MARVELD2: variants seen among roughly 807,000 people sequenced by gnomAD.
The protein encoded by MARVELD2 is MARVEL domain-containing protein 2.
MARVELD2 carries 49 observed loss-of-function variants against 57.6 expected under a neutral mutation model. That is an observed-to-expected ratio of 0.85 (90% CI 0.68 to 1.08). The LOEUF (loss-of-function observed/expected upper bound fraction) is 1.08, where lower values mean the gene tolerates loss of function less well. MARVELD2 is among the 50% of genes least tolerant of loss of function. MARVELD2 has a pLI of 0.00. For synonymous variants in MARVELD2, 238 were observed against 258.8 expected (o/e 0.92, Z 0.77); for missense variants, 606 against 701.1 (o/e 0.86, Z 1.53).
chr5:69,420,783 T>C (rs1325711773), intron 2 of MARVELD2, among the ~76,000 whole-genome samples: 1 of 152,104 alleles, frequency 6.6e-6, no homozygotes, highest in Non-Finnish European at 1.5e-5. Context: ...ATGTGTAATA[T>C]ATAGTTTGTT....
chr5:69,441,407 C>A, intron 6 of MARVELD2, 125 bp from the exon 7 acceptor site: 1 of 1,111,788 alleles, frequency 9.0e-7, no homozygotes. Flanking sequence ...AACTGTTACC[C>A]TGAGTTCAGA....
chr5:69,420,260 C>G lies in MARVELD2; in HGVS notation c.875C>G (p.Thr292Ser). The change falls in exon 2 of 7, where the codon ACT becomes AGT. Residue 292 changes from threonine (T) to serine (S), a missense_variant. By Grantham distance (58) the Thr-to-Ser change is moderately conservative. Coordinates refer to ENST00000325631, the MANE Select transcript of MARVELD2 (RefSeq NM_001038603.3). Reference protein sequence around the residue: ...ILLDSNWWPLTEFGINVALFI... With the variant: ...ILLDSNWWPLSEFGINVALFI... ...CTGGACTCTAATTGGTGGCCCCTAA[C>G]TGAATTTGGAATTAACGTTGCCTTG... 1 of 1,614,190 alleles carries G rather than the reference C, an allele frequency of 6.2e-7. No homozygotes were observed. The highest frequency in any genetic ancestry group is 8.5e-7 in the Non-Finnish European group (1 of 1,180,040).
chr5:69,422,875 C>T, intron 2 of MARVELD2, among the ~76,000 whole-genome samples: 1 of 152,126 alleles, frequency 6.6e-6, no homozygotes, highest in Non-Finnish European at 1.5e-5. Context: ...CTGGCCGACA[C>T]TTAGGGAATA....
intron 3 of MARVELD2, among the ~76,000 whole-genome samples, chr5:69,431,830 C>CTTTTTTTTTTTTTTTTTTTT (rs904263527): frequency 4.1e-5 from 4 of 97,850 alleles, no homozygotes; most frequent in East Asian, 3.3e-4. Context: ...TCTTCTTCTT[C>CTTTTTTTTTTTTTTTTTTTT]TTTTTTTTTT....
intron 4 of MARVELD2, 48 bp from the exon 5 acceptor site, chr5:69,432,874 C>T (rs955901057): frequency 9.9e-6 from 16 of 1,609,442 alleles, no homozygotes; most frequent in Non-Finnish European, 1.3e-5. Flanking sequence ...TCCCATTCAG[C>T]TTCTTTTAGT....
rs1419765578 is a variant in MARVELD2 at position 69,444,119 on chromosome 5, T to C, written c.*2465T>C. 6.6e-6 allele frequency: 1 copy of C among 151,548 alleles called. No individual in the cohort carries two copies. The highest frequency in any genetic ancestry group is 6.6e-5 in the Admixed American group (1 of 15,120). The allele number at this position is 151,548 out of a possible 1,614,324, so 9.4% of individuals were successfully genotyped here. ...TGTGAAACTTTTAAAATAAAGTTTA[T>C]AAATGTAGCTAATCTTTGAAAAACC... On this transcript the variant is annotated 3_prime_UTR_variant, in exon 7 of 7. Coordinates refer to ENST00000325631, the MANE Select transcript of MARVELD2 (RefSeq NM_001038603.3).
Position 69,420,435 on chromosome 5 carries a change from C to T in MARVELD2, c.1050C>T (p.Val350=). Residue 350 remains valine (V), a synonymous_variant, in exon 2 of 7, where the codon GTC becomes GTT. Transcript: ENST00000325631. The part of the protein sequence containing the change: ...GQIAAMIFLF[V]TMIVYLISAL... ...TAGCTGCAATGATCTTCCTGTTTGT[C>T]ACCATGATAGTTTATCTCATTAGTG... is the stretch of plus-strand genomic sequence containing the variant. 1 of 1,613,848 alleles carries T rather than the reference C, an allele frequency of 6.2e-7. No individual in the cohort carries two copies. Among genetic ancestry groups the T allele is most frequent in the African/African-American group, 1.3e-5 (1 of 75,038 alleles).
chr5:69,420,588 G>T lies in MARVELD2; in HGVS notation c.1146+57G>T, dbSNP rs1766598929. The T allele has an allele frequency of 9.2e-6, 14 of 1,519,932 alleles. No homozygotes were observed. In the Admixed American group the frequency reaches 2.2e-4, roughly 24 times the overall value. The allele number at this position is 1,519,932 out of a possible 1,614,324, so 94.2% of individuals were successfully genotyped here. On this transcript the variant is annotated intron_variant, in intron 2 of 6. Coordinates refer to ENST00000325631, the MANE Select transcript of MARVELD2 (RefSeq NM_001038603.3). ...TGTATGTTTGTTTTTTCTGTTATTTGCTCCCTTGTTAAAAAATGTATAGCG... is the reference window on the plus strand; with the variant it reads ...TGTATGTTTGTTTTTTCTGTTATTTTCTCCCTTGTTAAAAAATGTATAGCG...
At chr5:69,431,707 A>C (rs953151397) in intron 3 of MARVELD2, among the ~76,000 whole-genome samples, 1 of 151,960 alleles carries the variant, frequency 6.6e-6, no homozygotes, top group African/African-American at 2.4e-5. Flanking sequence ...TGATTCCCTT[A>C]GCTATTACAG....
rs1561307311 is a variant in MARVELD2, at chr5:69,444,054, A to AGAGT, written c.*2401_*2404dup. 1 of 143,184 alleles carries AGAGT rather than the reference A, an allele frequency of 7.0e-6. No homozygotes were observed. The highest frequency in any genetic ancestry group is 1.5e-5 in the Non-Finnish European group (1 of 65,524). 8.9% of individuals were successfully genotyped at this position (143,184 alleles called of 1,614,324 possible). A position where few individuals can be genotyped will look rare whatever the true frequency, so the allele number is the denominator to read the frequency against. On this transcript the variant is annotated 3_prime_UTR_variant, in exon 7 of 7. Coordinates refer to ENST00000325631, the MANE Select transcript of MARVELD2 (RefSeq NM_001038603.3). The stretch of plus-strand genomic sequence containing the variant: ...ATATTACCATTTTGATAGACTGTAA[A>AGAGT]GAGTTAGATTCCTGTTGAAGTGTTA...
chr5:69,430,142 T>TG (rs1766914208), intron 3 of MARVELD2, among the ~76,000 whole-genome samples: 1 of 151,818 alleles, frequency 6.6e-6, no homozygotes, highest in Non-Finnish European at 1.5e-5. Flanking sequence ...CTGAGGTGGG[T>TG]GGATTGCCTG....
At chr5:69,425,830 A>C (rs1766774360) in intron 3 of MARVELD2, among the ~76,000 whole-genome samples, 1 of 150,566 alleles carries the variant, frequency 6.6e-6, no homozygotes, top group African/African-American at 2.4e-5. Flanking sequence ...CCAGGTTCAC[A>C]CCATTCTCCT....
chr5:69,436,321 A>G (rs1767135323), intron 5 of MARVELD2, among the ~76,000 whole-genome samples: 1 of 151,640 alleles, frequency 6.6e-6, no homozygotes, highest in African/African-American at 2.4e-5. Context: ...AGATCATGCC[A>G]CTGCACTCCA....
At chr5:69,425,763 C>T (rs1284760679) in intron 3 of MARVELD2, among the ~76,000 whole-genome samples, 1 of 147,924 alleles carries the variant, frequency 6.8e-6, no homozygotes, top group Non-Finnish European at 1.5e-5. Context: ...GATGGAGTCT[C>T]TGTCGCCCAG....
intron 6 of MARVELD2, among the ~76,000 whole-genome samples, 178 bp downstream of exon 6, chr5:69,440,678 C>T (rs1317052696): frequency 6.6e-6 from 1 of 152,170 alleles, no homozygotes; most frequent in Non-Finnish European, 1.5e-5. Context: ...ATACATTTTG[C>T]TGTGTCCTGA....
intron 3 of MARVELD2, among the ~76,000 whole-genome samples, chr5:69,425,319 C>T (rs1291835599): frequency 4.7e-5 from 7 of 149,580 alleles, no homozygotes; most frequent in African/African-American, 1.7e-4. Flanking sequence ...GGGTGCAGCG[C>T]ACCAGCATGG....
At chr5:69,437,381 T>TAAAAAA (rs36086491) in intron 5 of MARVELD2, among the ~76,000 whole-genome samples, 1 of 100,102 alleles carries the variant, frequency 1.0e-5, no homozygotes, top group South Asian at 3.5e-4. Context: ...AACTCTGTCT[T>TAAAAAA]AAAAAAAAAA....
chr5:69,435,949 T>G (rs190836403), intron 5 of MARVELD2, among the ~76,000 whole-genome samples: 6 of 152,214 alleles, frequency 3.9e-5, no homozygotes, highest in Admixed American at 3.9e-4. Context: ...TCATCCATAT[T>G]TTAGCATAAG....
At chr5:69,436,537 T>C (rs1255514224) in intron 5 of MARVELD2, among the ~76,000 whole-genome samples, 1 of 152,116 alleles carries the variant, frequency 6.6e-6, no homozygotes, top group Admixed American at 6.6e-5. Context: ...AAATCACTTA[T>C]CGTTATGAGT....
Sources: allele counts gnomAD v4.1 joint callset (sites outside exome capture counted in the v4.1 genomes callset), GRCh38; gene constraint gnomAD v4.1.1; transcripts MANE v1.5; gene names NCBI Gene and HGNC (gene_info 2026-07-23, HGNC 2026-07-21).